The following ATP2C1 variants were observed in gnomAD, a reference collection of about 807,000 sequenced individuals.
ATP2C1 encodes ATPase secretory pathway Ca2+ transporting 1.
In ATP2C1, 31 loss-of-function variants were observed where a neutral mutation model predicts 120.5. That is an observed-to-expected ratio of 0.26 (90% CI 0.19 to 0.35). The LOEUF (loss-of-function observed/expected upper bound fraction) is 0.35, where lower values mean the gene tolerates loss of function less well. ATP2C1 is among the 10% of genes least tolerant of loss of function. The probability of loss-of-function intolerance (pLI) is 1.00; values close to 1 mark genes in which losing one functional copy is unlikely to be tolerated. For missense variants in ATP2C1, 731 were observed against 1,107.5 expected (o/e 0.66, Z 4.83); for synonymous variants, 351 against 358.7 (o/e 0.98, Z 0.24).
intron 22 of ATP2C1, among the ~76,000 whole-genome samples, chr3:130,995,000 G>A (rs908963677): frequency 1.6e-4 from 25 of 152,254 alleles, no homozygotes; most frequent in African/African-American, 5.3e-4. Context: ...GGAGCAACAC[G>A]TAGCTTAAAT....
chr3:130,912,420 A>G (rs1006200135), intron 2 of ATP2C1, among the ~76,000 whole-genome samples: 1 of 151,414 alleles, frequency 6.6e-6, no homozygotes, highest in African/African-American at 2.4e-5. Context: ...AAAACAAACA[A>G]CCCCATCAAA....
intron 1 of ATP2C1, among the ~76,000 whole-genome samples, chr3:130,865,712 C>T (rs1458301389): frequency 5.9e-5 from 9 of 152,210 alleles, no homozygotes; most frequent in East Asian, 3.8e-4. Context: ...TTTTCTGTTG[C>T]TGCCACCATG....
chr3:130,883,225 TCTTTTC>T (rs1169493848), intron 1 of ATP2C1, among the ~76,000 whole-genome samples: 1 of 152,180 alleles, frequency 6.6e-6, no homozygotes, highest in Non-Finnish European at 1.5e-5. Context: ...TTTATTTGGG[TCTTTTC>T]CTTTTTTTTC....
intron 2 of ATP2C1, among the ~76,000 whole-genome samples, chr3:130,916,630 A>G (rs1188955569): frequency 6.6e-6 from 1 of 152,120 alleles, no homozygotes; most frequent in Admixed American, 6.5e-5. Context: ...AGCTGGTACC[A>G]TTGCAGGCAG....
intron 17 of ATP2C1, among the ~76,000 whole-genome samples, chr3:130,970,368 T>TCACACA (rs765690018): frequency 8.1e-5 from 2 of 24,590 alleles, no homozygotes; most frequent in African/African-American, 1.4e-4. Flanking sequence ...AAAAAAAAAA[T>TCACACA]TACACACACA....
At chr3:130,975,603 C>A in intron 18 of ATP2C1, 115 bp downstream of exon 18, 2 of 1,241,750 alleles carry the variant, frequency 1.6e-6, no homozygotes, top group Non-Finnish European at 1.2e-6. Context: ...ATTTGTAGAA[C>A]CCTTGCCAGT....
At position 130,935,877 on chromosome 3, in the gene ATP2C1, C is replaced by G. The variant is rs1002628360; in HGVS notation, c.324+1166C>G. On this transcript the variant is annotated intron_variant, in intron 5 of 27. Coordinates refer to ENST00000510168, the MANE Select transcript of ATP2C1 (RefSeq NM_001378687.1). The stretch of plus-strand genomic sequence containing the variant: ...TGAAATGGGAAGTATGCATGAAACT[C>G]TTTTGTATATTGAAATACAATGGTT... Among the ~76,000 whole-genome samples, 59 of 152,150 alleles carry G rather than the reference C, an allele frequency of 3.9e-4. 1 individual carries two copies. The highest frequency in any genetic ancestry group is 1.4e-3 in the African/African-American group (56 of 41,420).
intron 2 of ATP2C1, among the ~76,000 whole-genome samples, chr3:130,919,724 G>A (rs924291971): frequency 1.3e-5 from 2 of 152,108 alleles, no homozygotes; most frequent in Non-Finnish European, 2.9e-5. Flanking sequence ...TGGGACTTCT[G>A]GAATATATGG....
chr3:130,914,054 C>CCCT (rs201621908), intron 2 of ATP2C1, among the ~76,000 whole-genome samples: 5 of 152,102 alleles, frequency 3.3e-5, no homozygotes, highest in South Asian at 2.1e-4. Context: ...CCTGCTCTTT[C>CCCT]CCTCCTCCTC....
At chr3:130,949,001 T>C (rs2060260687) in intron 8 of ATP2C1, among the ~76,000 whole-genome samples, 1 of 152,148 alleles carries the variant, frequency 6.6e-6, no homozygotes, top group African/African-American at 2.4e-5. Flanking sequence ...TTCCTTCTCC[T>C]TGGGCTTTCC....
chr3:130,880,344 C>T (rs1388365010), intron 1 of ATP2C1, among the ~76,000 whole-genome samples: 2 of 152,146 alleles, frequency 1.3e-5, no homozygotes, highest in African/African-American at 4.8e-5. Flanking sequence ...AAATTTTCAC[C>T]TCAGCTTACC....
rs1553779075 is a variant in ATP2C1 at position 130,990,283 on chromosome 3, C to CA, written c.1840-2667dup. Among the ~76,000 whole-genome samples the CA allele has an allele frequency of 4.1e-4, 55 of 135,428 alleles. 1 individual carries two copies. The East Asian group carries it at 0.011, about 28-fold the overall frequency. The allele number at this position is 135,428 out of a possible 152,430, so 88.8% of individuals were successfully genotyped here. Reference sequence around the variant, plus strand: ...AGTGCTTAAGAGCAACCCCCCCCCCCACAAAAAAAGGCAAAATTTGAATGA... The same window carrying CA: ...AGTGCTTAAGAGCAACCCCCCCCCCCAACAAAAAAAGGCAAAATTTGAATGA... On this transcript the variant is annotated intron_variant, in intron 20 of 27. Coordinates refer to ENST00000510168, the MANE Select transcript of ATP2C1 (RefSeq NM_001378687.1).
chr3:130,892,532 A>G (rs1398192358), upstream of ATP2C1, among the ~76,000 whole-genome samples: 4 of 152,120 alleles, frequency 2.6e-5, no homozygotes, highest in Non-Finnish European at 5.9e-5. Flanking sequence ...TAAAAGTTCA[A>G]TATTTCTTAA....
Position 130,894,802 on chromosome 3 carries a change from A to G in ATP2C1, c.6+27A>G, listed in dbSNP as rs202137564. Reference sequence around the variant, plus strand: ...TAAAGGCCCCTGGCCGACCGGTTGCAACGCGGAGTTGAGGGTGTGGTGGTT... The same window carrying G: ...TAAAGGCCCCTGGCCGACCGGTTGCGACGCGGAGTTGAGGGTGTGGTGGTT... On this transcript the variant is annotated intron_variant, in intron 2 of 27. Transcript: ENST00000510168. This position sits in a 1 kb window ranked among gnomAD's most constrained non-coding sequence, Gnocchi z 4.5. 2.5e-6 allele frequency: 4 copies of G among 1,604,242 alleles called. No individual in the cohort carries two copies. The highest frequency in any genetic ancestry group is 2.6e-6 in the Non-Finnish European group (3 of 1,170,946).
At chr3:130,996,317 T>C in intron 23 of ATP2C1, 1 of 600,236 alleles carries the variant, frequency 1.7e-6, no homozygotes, top group Non-Finnish European at 2.9e-6. Context: ...GATGTCTGTA[T>C]CATCAAAATG....
In ATP2C1 at chr3:130,981,428, A is replaced by G. The variant is rs183578919; in HGVS notation, c.1839+749A>G. Among the ~76,000 whole-genome samples, 6 of 152,276 alleles carry G rather than the reference A, an allele frequency of 3.9e-5. No individual in the cohort carries two copies. The East Asian group carries it at 7.7e-4, about 20-fold the overall frequency. On this transcript the variant is annotated intron_variant, in intron 20 of 27. Transcript: ENST00000510168. The stretch of plus-strand genomic sequence containing the variant: ...ATTCTATTATAGGTGTACCTTACCT[A>G]TTCACCAGTTAAAGGACATTTAGAT...
intron 1 of ATP2C1, among the ~76,000 whole-genome samples, chr3:130,878,170 G>A (rs998502912): frequency 4.3e-4 from 65 of 150,766 alleles, no homozygotes; most frequent in South Asian, 1.3e-3. Context: ...GATAGCATTA[G>A]GAGATATACT....
chr3:130,918,612 C>G (rs1472971192), intron 2 of ATP2C1: 11 of 683,128 alleles, frequency 1.6e-5, no homozygotes, highest in Non-Finnish European at 3.1e-5. Flanking sequence ...ATACTTCTTT[C>G]CATAGCAGGA....
chr3:131,000,189 A>G (rs989430343), intron 27 of ATP2C1, among the ~76,000 whole-genome samples: 11 of 152,212 alleles, frequency 7.2e-5, no homozygotes, highest in Admixed American at 2.6e-4. Context: ...CAGTGCATTT[A>G]AAAATTAGTT....
Sources: gnomAD v4.1 joint callset for allele counts (sites outside exome capture counted in the v4.1 genomes callset) on GRCh38, gnomAD v4.1.1 for gene constraint, Gnocchi (gnomAD v3.1) non-coding constraint, MANE v1.5 for transcripts, NCBI Gene and HGNC (gene_info 2026-07-23, HGNC 2026-07-21) for gene names.